The following CASS4 variants were observed in gnomAD, a reference collection of about 807,000 sequenced individuals.
The protein encoded by CASS4 is Cas scaffold protein family member 4, also known as cas scaffolding protein family member 4.
In CASS4, 22 loss-of-function variants were observed where a neutral mutation model predicts 54.2. That is an observed-to-expected ratio of 0.41 (90% CI 0.29 to 0.58). CASS4 has a LOEUF of 0.58. Among genes scored for constraint, CASS4 ranks in the 20% least tolerant of loss-of-function variants. The probability of loss-of-function intolerance (pLI) is 0.36; values close to 1 mark genes in which losing one functional copy is unlikely to be tolerated. For synonymous variants in CASS4, 409 were observed against 391.5 expected, an observed-to-expected ratio of 1.04 and a Z score of -0.53; for missense variants, 854 against 986.7, an observed-to-expected ratio of 0.87 and a Z score of 1.80.
At chr20:56,419,208 T>C (rs1979294401) in intron 1 of CASS4, among the ~76,000 whole-genome samples, 1 of 152,116 alleles carries the variant, frequency 6.6e-6, no homozygotes, top group Admixed American at 6.5e-5. Flanking sequence ...GGGAGGCTGG[T>C]AAGAGAGCTG....
In CASS4 at chr20:56,452,516, T is replaced by G; in HGVS notation, c.1340T>G (p.Leu447Arg). The change falls in exon 5 of 6, where the codon CTG becomes CGG. Residue 447 changes from leucine (L) to arginine (R), a missense_variant. Leu to Arg is a moderately radical substitution (Grantham distance 102). Transcript: ENST00000679887. ...LDVAKETVMA[L>R]QHKVVSSVAG... ...GTGGCCAAGGAGACAGTGATGGCTC[T>G]GCAGCACAAGGTGGTCAGCTCTGTC... 6.2e-7 allele frequency: 1 copy of G among 1,614,066 alleles called. No individual in the cohort carries two copies.
rs2870738 is a variant in CASS4, at chr20:56,453,111, G to A, written c.1935G>A (p.Arg645=). 553,323 of 1,611,656 alleles carry A rather than the reference G, an allele frequency of 0.34. 101,952 individuals carry two copies. The highest frequency in any genetic ancestry group is 0.67 in the East Asian group (30,000 of 44,796). The change falls in exon 5 of 6, where the codon AGG becomes AGA. Residue 645 remains arginine, a synonymous_variant. Transcript: ENST00000679887. The part of the protein sequence containing the change: ...EHSSELLKKN[R]ANICGQNPGP... ...CTTCTGAACTATTAAAGAAAAATAG[G>A]GCAAATATCTGTGGACAGGTGAGTT...
At position 56,437,581 on chromosome 20, in the gene CASS4, A is replaced by C. The variant is rs1775923430; in HGVS notation, c.454A>C (p.Lys152Gln). 2.6e-6 allele frequency: 4 copies of C among 1,532,310 alleles called. No individual in the cohort carries two copies. Among genetic ancestry groups the C allele is most frequent in the Non-Finnish European group, 3.5e-6 (4 of 1,140,452 alleles). 94.9% of individuals were successfully genotyped at this position (1,532,310 alleles called of 1,614,324 possible). The change falls in exon 2 of 6, where the codon AAA (lysine) becomes CAA (glutamine). Residue 152 changes from lysine (K) to glutamine (Q), a missense_variant. Transcript: ENST00000679887. This position sits in a 1 kb window ranked among gnomAD's most constrained non-coding sequence, Gnocchi z 4.7. ...CTGTGAAAAGACTCTCAGCTTTCCAAAACAGGTACGCATACTTCCACCTAC... is the reference window on the plus strand; with the variant it reads ...CTGTGAAAAGACTCTCAGCTTTCCACAACAGGTACGCATACTTCCACCTAC... ...IICEKTLSFP[K>Q]QAILTLPRPV...
Position 56,453,171 on chromosome 20 carries a change from TG to T in CASS4, c.1953+43del, listed in dbSNP as rs761298980. 11 of 1,453,458 alleles carry T rather than the reference TG, an allele frequency of 7.6e-6. No homozygotes were observed. The South Asian group carries it at 1.2e-4, about 16-fold the overall frequency. 90.0% of individuals were successfully genotyped at this position (1,453,458 alleles called of 1,614,324 possible). On this transcript the variant is annotated intron_variant, in intron 5 of 5. Transcript: ENST00000679887. ...AAGTGATCGAAAAAGGGGCTTCAATTGTTACCTGGAGTAGTGGCTACTAAGA... is the reference window on the plus strand; with the variant it reads ...AAGTGATCGAAAAAGGGGCTTCAATTTTACCTGGAGTAGTGGCTACTAAGA...
At chr20:56,446,384 C>T (rs2146289994) in intron 3 of CASS4, among the ~76,000 whole-genome samples, 1 of 152,198 alleles carries the variant, frequency 6.6e-6, no homozygotes, top group Admixed American at 6.5e-5. Context: ...AGCCACCGTG[C>T]CCAGCCATTA....
intron 3 of CASS4, among the ~76,000 whole-genome samples, chr20:56,448,099 G>A (rs1263503674): frequency 8.0e-5 from 12 of 149,132 alleles, no homozygotes; most frequent in Non-Finnish European, 1.2e-4. Context: ...CAGAGATCGC[G>A]CCACTGCACT....
Position 56,414,820 on chromosome 20 carries a change from G to C in CASS4, c.36+2326G>C, listed in dbSNP as rs1442940421. Reference sequence around the variant, plus strand: ...AAATTAGCTGGGCATAGTGGTGCACGTCTGTATTCCCAGCTACTCGGGAGG... The same window carrying C: ...AAATTAGCTGGGCATAGTGGTGCACCTCTGTATTCCCAGCTACTCGGGAGG... On this transcript the variant is annotated intron_variant, in intron 1 of 5. Transcript: ENST00000679887. The surrounding 1 kb of genome is among the most constrained non-coding windows in gnomAD (Gnocchi z 4.1). Among the ~76,000 whole-genome samples, 1 of 152,066 alleles carries C rather than the reference G, an allele frequency of 6.6e-6. No individual in the cohort carries two copies. The highest frequency in any genetic ancestry group is 2.4e-5 in the African/African-American group (1 of 41,408).
intron 1 of CASS4, among the ~76,000 whole-genome samples, chr20:56,431,442 C>T (rs1223776969): frequency 6.6e-6 from 1 of 152,184 alleles, no homozygotes; most frequent in African/African-American, 2.4e-5. Flanking sequence ...AAACGCCATA[C>T]AGTGTTTCAT....
At chr20:56,431,006 G>C (rs1452748941) in intron 1 of CASS4, among the ~76,000 whole-genome samples, 1 of 152,166 alleles carries the variant, frequency 6.6e-6, no homozygotes, top group Non-Finnish European at 1.5e-5. Flanking sequence ...TTTAAAATAA[G>C]AGACCAACAG....
At chr20:56,455,824 G>T (rs1028423437) in intron 5 of CASS4, among the ~76,000 whole-genome samples, 1 of 152,052 alleles carries the variant, frequency 6.6e-6, no homozygotes, top group Non-Finnish European at 1.5e-5. Flanking sequence ...CCAGCTACTC[G>T]GGAGGCTGAG....
rs755196041 is a variant in CASS4, at chr20:56,452,168, T to A, written c.992T>A (p.Val331Asp). 6.2e-6 allele frequency: 10 copies of A among 1,614,022 alleles called. No individual in the cohort carries two copies. In the East Asian group the frequency reaches 2.2e-4, roughly 36 times the overall value. ...TTGGATGAAGATGTCAGCTACAAGG[T>A]TCCTTCAAGCTTTCTGATTCCCCGA... is the stretch of plus-strand genomic sequence containing the variant. Reference protein sequence around the residue: ...FPLDEDVSYKVPSSFLIPRVE... With the variant: ...FPLDEDVSYKDPSSFLIPRVE... The change falls in exon 5 of 6, where the codon GTT becomes GAT. Residue 331 changes from valine (V) to aspartate (D), a missense_variant. Physicochemically the swap from Val to Asp is radical, Grantham distance 152. Transcript: ENST00000679887.
chr20:56,446,332 C>A (rs976399816), intron 3 of CASS4, among the ~76,000 whole-genome samples: 3 of 152,080 alleles, frequency 2.0e-5, no homozygotes, highest in Non-Finnish European at 2.9e-5. Context: ...CTCAAGCAAT[C>A]CTCCCATCTC....
At chr20:56,447,998 C>G (rs931835999) in intron 3 of CASS4, among the ~76,000 whole-genome samples, 3 of 152,074 alleles carry the variant, frequency 2.0e-5, no homozygotes, top group African/African-American at 7.2e-5. Context: ...AAAAGTTAGC[C>G]GGGCATGGTG....
chr20:56,458,567 G>C lies in CASS4; in HGVS notation c.2181G>C (p.Arg727Ser). 6.2e-7 allele frequency: 1 copy of C among 1,614,038 alleles called. No homozygotes were observed. The highest frequency in any genetic ancestry group is 8.5e-7 in the Non-Finnish European group (1 of 1,179,970). ...CGCTGTGCATGGAGACCCAGGAGAGGGACGTGCGCAACGAGATCCTCCGTG... is the reference window on the plus strand; with the variant it reads ...CGCTGTGCATGGAGACCCAGGAGAGCGACGTGCGCAACGAGATCCTCCGTG... ...VDTLCMETQE[R>S]DVRNEILRGS... The change falls in exon 6 of 6, where the codon AGG (arginine) becomes AGC (serine). Residue 727 changes from arginine (R) to serine (S), a missense_variant. Arg to Ser is a moderately radical substitution (Grantham distance 110, BLOSUM62 -1). Transcript: ENST00000679887.
chr20:56,427,297 C>T (rs1460299692), intron 1 of CASS4, among the ~76,000 whole-genome samples: 1 of 152,020 alleles, frequency 6.6e-6, no homozygotes, highest in Non-Finnish European at 1.5e-5. Context: ...CTCAGGTTGT[C>T]CTTCCTCCTT....
At chr20:56,458,085 T>C (rs1411408715) in intron 5 of CASS4, among the ~76,000 whole-genome samples, 1 of 151,174 alleles carries the variant, frequency 6.6e-6, no homozygotes, top group East Asian at 1.9e-4. Context: ...GGGTTTCTTG[T>C]AGTTGGTTTA....
chr20:56,413,229 C>T (rs1041731814), intron 1 of CASS4, among the ~76,000 whole-genome samples: 11 of 151,012 alleles, frequency 7.3e-5, no homozygotes, highest in Non-Finnish European at 1.2e-4. Context: ...AAAAATTTAC[C>T]CAGACATAAA....
intron 1 of CASS4, among the ~76,000 whole-genome samples, chr20:56,429,917 T>A (rs1979825531): frequency 6.6e-6 from 1 of 152,226 alleles, no homozygotes; most frequent in African/African-American, 2.4e-5. Flanking sequence ...ACTTCTTGTA[T>A]TTTCTTTCCA....
At chr20:56,451,572 T>C (rs79463340) in intron 4 of CASS4, among the ~76,000 whole-genome samples, 5,539 of 152,214 alleles carry the variant, frequency 0.036, 132 homozygotes, top group African/African-American at 0.061. Context: ...GAGTCAGTGT[T>C]CTGAGTTCAG....
Sources: gnomAD v4.1 joint callset for allele counts (sites outside exome capture counted in the v4.1 genomes callset) on GRCh38, gnomAD v4.1.1 for gene constraint, Gnocchi (gnomAD v3.1) non-coding constraint, MANE v1.5 for transcripts, NCBI Gene and HGNC (gene_info 2026-07-23, HGNC 2026-07-21) for gene names.